The following RPP14 variants were observed in gnomAD, a reference collection of about 807,000 sequenced individuals.
RPP14 encodes the protein ribonuclease P/MRP subunit p14.
Under a neutral mutation model 17.8 loss-of-function variants are expected in RPP14, and 19 were observed. The observed-to-expected ratio is 1.07, with a 90% confidence interval of 0.74 to 1.57. RPP14 has a LOEUF of 1.57. Ranked by LOEUF, RPP14 falls within the 40% of genes most tolerant of loss-of-function variation. The pLI is 0.00. For missense variants in RPP14, 125 were observed against 140.8 expected, an observed-to-expected ratio of 0.89 and a Z score of 0.57; for synonymous variants, 60 against 56.4, an observed-to-expected ratio of 1.06 and a Z score of -0.29.
intron 3 of RPP14, chr3:58,315,576 C>T (rs1041706585): frequency 3.9e-5 from 6 of 152,192 alleles, no homozygotes; most frequent in Non-Finnish European, 8.8e-5. Flanking sequence ...GTACCAATAC[C>T]AGTTTTGTAG....
intron 4 of RPP14, 124 bp from the exon 5 acceptor site, chr3:58,316,791 G>A (rs959211394): frequency 3.2e-6 from 3 of 929,212 alleles, no homozygotes; most frequent in Non-Finnish European, 5.0e-6. Flanking sequence ...TTTGGTTACA[G>A]CTGTAGTTTT....
rs768075570 is a variant in RPP14, at chr3:58,316,599, A to G, written c.239+8A>G. On this transcript the variant is annotated splice_region_variant and intron_variant, in intron 4 of 5. Coordinates refer to ENST00000295959, the MANE Select transcript of RPP14 (RefSeq NM_007042.6). ...CTTGAGAATATGTAGCAGGTATGAC[A>G]GAGAGTGGGAAATTTCTAGTATAAC... The G allele has an allele frequency of 2.5e-6, 4 of 1,610,986 alleles. No homozygotes were observed. The East Asian group carries it at 8.9e-5, about 36-fold the overall frequency.
At position 58,318,101 on chromosome 3, in the gene RPP14, C is replaced by T. The variant is rs1283550703; in HGVS notation, c.*605C>T. ...GAAGGCTGGGTTAAAGTTATGGTTC[C>T]AGAAGCTTCCAAATCCTGAAATAGA... is the stretch of plus-strand genomic sequence containing the variant. On this transcript the variant is annotated 3_prime_UTR_variant, in exon 6 of 6. Transcript: ENST00000295959. 6 of 651,692 alleles carry T rather than the reference C, an allele frequency of 9.2e-6. No individual in the cohort carries two copies. In the Admixed American group the frequency reaches 1.6e-4, roughly 17 times the overall value. The allele number at this position is 651,692 out of a possible 1,614,324, so 40.4% of individuals were successfully genotyped here.
chr3:58,317,396 G>T (rs1473971), intron 5 of RPP14, 44 bp from the exon 6 acceptor site: 1 of 1,333,260 alleles, frequency 7.5e-7, no homozygotes, highest in Admixed American at 1.9e-5. Context: ...CTGTGCTTCA[G>T]TGTGGTTTCT....
In RPP14 at chr3:58,306,291, C is replaced by G. The variant is rs2097474320; in HGVS notation, c.-148C>G. The G allele has an allele frequency of 6.6e-6, 1 of 152,316 alleles. No individual in the cohort carries two copies. The highest frequency in any genetic ancestry group is 2.4e-5 in the African/African-American group (1 of 41,470). The allele number at this position is 152,316 out of a possible 1,614,324, so 9.4% of individuals were successfully genotyped here. On this transcript the variant is annotated 5_prime_UTR_variant, in exon 1 of 6. Transcript: ENST00000295959. ...TTCGTGGGGCGGGACGAGGAGAAGC[C>G]AAACGTAAAGACACCAGGAGTTTCT...
chr3:58,309,347 ATCT>A (rs1356146168), intron 1 of RPP14, among the ~76,000 whole-genome samples: 1 of 152,200 alleles, frequency 6.6e-6, no homozygotes, highest in Non-Finnish European at 1.5e-5. Context: ...CCTCTGTGTC[ATCT>A]TCTCGAAAAT....
chr3:58,320,166 GAAT>G lies in RPP14; in HGVS notation c.*2675_*2677del. The G allele has an allele frequency of 6.6e-6, 1 of 151,930 alleles. No homozygotes were observed. The highest frequency in any genetic ancestry group is 1.9e-4 in the East Asian group (1 of 5,186). 9.4% of individuals were successfully genotyped at this position (151,930 alleles called of 1,614,324 possible). ...CAGTACATCATTTTATTTTATGGCT[GAAT>G]AATATTCCATTGTATTTACCCATAC... On this transcript the variant is annotated 3_prime_UTR_variant, in exon 6 of 6. Transcript: ENST00000295959.
At chr3:58,311,242 C>T (rs1318299001) in intron 3 of RPP14, among the ~76,000 whole-genome samples, 1 of 152,144 alleles carries the variant, frequency 6.6e-6, no homozygotes, top group Non-Finnish European at 1.5e-5. Flanking sequence ...GCAGCCTCTG[C>T]CTCCCAGATT....
In RPP14 at chr3:58,316,585, G is replaced by C. The variant is rs774463427; in HGVS notation, c.233G>C (p.Cys78Ser). 2.5e-6 allele frequency: 4 copies of C among 1,613,604 alleles called. No homozygotes were observed. The South Asian group carries it at 4.4e-5, about 18-fold the overall frequency. The change falls in exon 4 of 6, where the codon TGT becomes TCT. Residue 78 changes from cysteine to serine, a missense_variant. Cys to Ser is a moderately radical substitution (Grantham distance 112, BLOSUM62 -1). Coordinates refer to ENST00000295959, the MANE Select transcript of RPP14 (RefSeq NM_007042.6). The stretch of plus-strand genomic sequence containing the variant: ...ACCTTGTCAGCCATCTTGAGAATAT[G>C]TAGCAGGTATGACAGAGAGTGGGAA... ...EKTLSAILRICSSGLVKLWSS... is the reference protein window; with the variant it reads ...EKTLSAILRISSSGLVKLWSS...
At position 58,310,568 on chromosome 3, in the gene RPP14, G is replaced by T; in HGVS notation, c.139G>T (p.Ala47Ser). The T allele has an allele frequency of 6.2e-7, 1 of 1,612,944 alleles. No individual in the cohort carries two copies. The highest frequency in any genetic ancestry group is 8.5e-7 in the Non-Finnish European group (1 of 1,179,706). Reference protein sequence around the residue: ...AAQFKQLLISAVKDLFGEVDA... With the variant: ...AAQFKQLLISSVKDLFGEVDA... Reference sequence around the variant, plus strand: ...ACAGTTCAAACAGCTGCTTATTTCGGCTGTGAAGGACCTGTTTGGGGAGGT... The same window carrying T: ...ACAGTTCAAACAGCTGCTTATTTCGTCTGTGAAGGACCTGTTTGGGGAGGT... The change falls in exon 3 of 6, where the codon GCT becomes TCT. Residue 47 changes from alanine (A) to serine (S), a missense_variant. Transcript: ENST00000295959.
At chr3:58,316,184 T>A (rs1366723435) in intron 3 of RPP14, among the ~76,000 whole-genome samples, 1 of 152,138 alleles carries the variant, frequency 6.6e-6, no homozygotes, top group Non-Finnish European at 1.5e-5. Context: ...GGACAATTAG[T>A]GACAAGAATA....
intron 3 of RPP14, among the ~76,000 whole-genome samples, chr3:58,314,675 A>ATTTTTTTTTTT (rs751757663): frequency 6.1e-4 from 55 of 90,582 alleles, no homozygotes; most frequent in Non-Finnish European, 6.8e-4. Context: ...GTTTGGCAGT[A>ATTTTTTTTTTT]TTTTTTTTTT....
At chr3:58,312,960 C>CAAAA (rs35853424) in intron 3 of RPP14, among the ~76,000 whole-genome samples, 2 of 79,038 alleles carry the variant, frequency 2.5e-5, no homozygotes, top group Non-Finnish European at 4.8e-5. Context: ...GACTCTGTCT[C>CAAAA]AAAAAAAAAA....
At position 58,317,622 on chromosome 3, in the gene RPP14, A is replaced by G. The variant is rs1471743264; in HGVS notation, c.*126A>G. On this transcript the variant is annotated 3_prime_UTR_variant, in exon 6 of 6. Coordinates refer to ENST00000295959, the MANE Select transcript of RPP14 (RefSeq NM_007042.6). ...ATTTGAGGGTGCTGAAGATGTTCCC[A>G]CTAATTTCCAGCCATCACCTTTGGT... is the stretch of plus-strand genomic sequence containing the variant. 1.3e-5 allele frequency: 10 copies of G among 752,132 alleles called. No homozygotes were observed. The highest frequency in any genetic ancestry group is 2.1e-5 in the Non-Finnish European group (9 of 427,134). The allele number at this position is 752,132 out of a possible 1,614,324, so 46.6% of individuals were successfully genotyped here.
chr3:58,317,028 C>CT (rs1442267484), intron 5 of RPP14, 35 bp downstream of exon 5: 1 of 1,460,374 alleles, frequency 6.8e-7, no homozygotes, highest in Non-Finnish European at 9.6e-7. Flanking sequence ...CCAAACAAGA[C>CT]TGAGTGATGG....
At chr3:58,315,342 A>T (rs1250722172) in intron 3 of RPP14, among the ~76,000 whole-genome samples, 1 of 151,972 alleles carries the variant, frequency 6.6e-6, no homozygotes, top group East Asian at 1.9e-4. Flanking sequence ...TACTATATAT[A>T]ATCTGGAGAA....
chr3:58,308,849 C>T (rs1332550131), intron 1 of RPP14, among the ~76,000 whole-genome samples: 1 of 152,092 alleles, frequency 6.6e-6, no homozygotes. Flanking sequence ...TCAGAGAAGA[C>T]CTTCATGAAG....
rs528387751 is a variant in RPP14 at position 58,317,852 on chromosome 3, A to G, written c.*356A>G. The G allele has an allele frequency of 1.4e-6, 1 of 702,930 alleles. No individual in the cohort carries two copies. The highest frequency in any genetic ancestry group is 2.6e-6 in the Non-Finnish European group (1 of 385,010). 43.5% of individuals were successfully genotyped at this position (702,930 alleles called of 1,614,324 possible). A position where few individuals can be genotyped will look rare whatever the true frequency, so the allele number is the denominator to read the frequency against. ...TTTGCAAAACACACCAAGTTTGGAA[A>G]TACAATTGTACATGGAGTTTTGATC... On this transcript the variant is annotated 3_prime_UTR_variant, in exon 6 of 6. Transcript: ENST00000295959.
rs143462398 is a variant in RPP14, at chr3:58,317,411, A to G, written c.319-29A>G. The stretch of plus-strand genomic sequence containing the variant: ...CTGTGCTTCAGTGTGGTTTCTCCCA[A>G]TGCCTTAACCTTTTTCTTTCTCTTC... On this transcript the variant is annotated intron_variant, in intron 5 of 5. Coordinates refer to ENST00000295959, the MANE Select transcript of RPP14 (RefSeq NM_007042.6). 1.0e-3 allele frequency: 1,585 copies of G among 1,519,668 alleles called. 16 individuals are homozygous for G. The African/African-American group carries it at 0.02, about 19-fold the overall frequency. 94.1% of individuals were successfully genotyped at this position (1,519,668 alleles called of 1,614,324 possible). A position where few individuals can be genotyped will look rare whatever the true frequency, so the allele number is the denominator to read the frequency against.
Sources: allele counts gnomAD v4.1 joint callset (sites outside exome capture counted in the v4.1 genomes callset), GRCh38; gene constraint gnomAD v4.1.1; transcripts MANE v1.5; gene names NCBI Gene and HGNC (gene_info 2026-07-23, HGNC 2026-07-21).